The following TMEM177 variants were observed in gnomAD, a reference collection of about 807,000 sequenced individuals.
The protein encoded by TMEM177 is transmembrane protein 177.
Under a neutral mutation model 14.2 loss-of-function variants are expected in TMEM177, and 4 were observed. The observed-to-expected ratio is 0.28, with a 90% CI of 0.14 to 0.64. The LOEUF is 0.64. Among genes scored for constraint, TMEM177 ranks in the 30% least tolerant of loss-of-function variants. The pLI, the probability that TMEM177 is intolerant of heterozygous loss-of-function variation, is 0.82. For missense variants in TMEM177, 344 were observed against 405.2 expected (o/e 0.85, Z 1.30); for synonymous variants, 179 against 174.5 (o/e 1.03, Z -0.20).
the TMEM177 span, among the ~76,000 whole-genome samples, chr2:119,717,988 C>T: frequency 6.6e-6 from 1 of 152,102 alleles, no homozygotes; most frequent in South Asian, 2.1e-4. Flanking sequence ...GCTCCTGCTT[C>T]CCGGTCCCTT....
downstream of TMEM177, among the ~76,000 whole-genome samples, chr2:119,685,481 A>G (rs1350755819): frequency 1.3e-5 from 2 of 151,148 alleles, no homozygotes; most frequent in Non-Finnish European, 3.0e-5. Context: ...TTCCAGATCA[A>G]TGCATGGGTC....
chr2:119,698,594 T>G, the TMEM177 span: 1 of 169,452 alleles, frequency 5.9e-6, no homozygotes, highest in East Asian at 1.5e-4. Flanking sequence ...GGGGGTCTTC[T>G]CCTAAGTGGC....
At chr2:119,722,292 A>G in the TMEM177 span, among the ~76,000 whole-genome samples, 5 of 152,128 alleles carry the variant, frequency 3.3e-5, no homozygotes, top group South Asian at 1.0e-3. Context: ...ATACGTGGAC[A>G]TATCACTTGA....
At chr2:119,708,286 A>G in the TMEM177 span, among the ~76,000 whole-genome samples, 2 of 152,084 alleles carry the variant, frequency 1.3e-5, no homozygotes, top group African/African-American at 4.8e-5. Context: ...ATTCTGCCAC[A>G]TTTGTTTCAT....
chr2:119,703,686 T>G, the TMEM177 span, among the ~76,000 whole-genome samples: 4 of 152,094 alleles, frequency 2.6e-5, no homozygotes, highest in Admixed American at 2.6e-4. Context: ...CCCGACTCCC[T>G]TCCCCTCTGG....
downstream of TMEM177, among the ~76,000 whole-genome samples, chr2:119,687,861 C>T (rs868298688): frequency 3.9e-4 from 60 of 152,310 alleles, no homozygotes; most frequent in African/African-American, 1.3e-3. Flanking sequence ...AAATAGATAA[C>T]TCATACTCTT....
At chr2:119,695,517 C>T in the TMEM177 span, among the ~76,000 whole-genome samples, 6 of 152,092 alleles carry the variant, frequency 3.9e-5, no homozygotes, top group Non-Finnish European at 7.4e-5. Context: ...CTGGAGTGCT[C>T]AGTGACTGGT....
At chr2:119,703,772 C>T in the TMEM177 span, among the ~76,000 whole-genome samples, 6 of 152,188 alleles carry the variant, frequency 3.9e-5, no homozygotes, top group Admixed American at 2.0e-4. Context: ...GATCTGTCTC[C>T]TCCACTCTCT....
the TMEM177 span, among the ~76,000 whole-genome samples, chr2:119,699,284 A>G: frequency 1.1e-3 from 173 of 152,300 alleles, no homozygotes; most frequent in Middle Eastern, 0.01. Context: ...AGAAGTGCCA[A>G]GTGAAGGGGG....
At chr2:119,703,508 C>T in the TMEM177 span, among the ~76,000 whole-genome samples, 2 of 152,166 alleles carry the variant, frequency 1.3e-5, no homozygotes, top group Admixed American at 6.5e-5. Context: ...GTAGTCCCAC[C>T]GTATGATGAA....
the TMEM177 span, among the ~76,000 whole-genome samples, chr2:119,692,431 T>G: frequency 1.5e-3 from 230 of 152,266 alleles, no homozygotes; most frequent in South Asian, 0.012. Context: ...AGCCGTGAGG[T>G]GTAGCCCAGG....
chr2:119,689,675 T>G (rs1424447930), downstream of TMEM177, among the ~76,000 whole-genome samples: 1 of 152,170 alleles, frequency 6.6e-6, no homozygotes, highest in African/African-American at 2.4e-5. Context: ...CTCTAATGCC[T>G]GTGCCCTTAA....
chr2:119,718,859 G>A, the TMEM177 span, among the ~76,000 whole-genome samples: 1 of 152,184 alleles, frequency 6.6e-6, no homozygotes, highest in African/African-American at 2.4e-5. Context: ...TCATTGCTGG[G>A]AAAGCCCCGA....
chr2:119,714,369 A>T, the TMEM177 span, among the ~76,000 whole-genome samples: 4 of 152,236 alleles, frequency 2.6e-5, no homozygotes, highest in Non-Finnish European at 5.9e-5. Context: ...AAATAACTAC[A>T]AAGACTTGAC....
the TMEM177 span, among the ~76,000 whole-genome samples, chr2:119,709,438 G>T: frequency 6.6e-6 from 1 of 152,232 alleles, no homozygotes; most frequent in Non-Finnish European, 1.5e-5. Flanking sequence ...CACTTTGGGA[G>T]GCCAAGAGGG....
chr2:119,708,201 T>A, the TMEM177 span, among the ~76,000 whole-genome samples: 39 of 152,148 alleles, frequency 2.6e-4, no homozygotes, highest in African/African-American at 9.2e-4. Flanking sequence ...CTTTGTCTCC[T>A]GGTTAGATCC....
At chr2:119,720,352 G>A in the TMEM177 span, among the ~76,000 whole-genome samples, 5 of 151,210 alleles carry the variant, frequency 3.3e-5, no homozygotes, top group South Asian at 2.1e-4. Context: ...TCGGCTCACC[G>A]CAACCTCTGC....
the TMEM177 span, among the ~76,000 whole-genome samples, chr2:119,706,027 A>ATTATATATTATATATTATATATTTT: frequency 7.0e-5 from 10 of 141,852 alleles, no homozygotes; most frequent in African/African-American, 2.6e-4. Context: ...ATATTTATAT[A>ATTATATATTATATATTATATATTTT]TATATATATT....
the TMEM177 span, among the ~76,000 whole-genome samples, chr2:119,723,531 A>T: frequency 6.6e-6 from 1 of 152,144 alleles, no homozygotes; most frequent in Non-Finnish European, 1.5e-5. Context: ...GGATCTGCTG[A>T]TCAATTAGCC....
Sources: gnomAD v4.1 joint callset for allele counts (sites outside exome capture counted in the v4.1 genomes callset) on GRCh38, gnomAD v4.1.1 for gene constraint, MANE v1.5 for transcripts, NCBI Gene and HGNC (gene_info 2026-07-23, HGNC 2026-07-21) for gene names.